The following TAT variants were observed in gnomAD, a reference collection of about 807,000 sequenced individuals.
TAT encodes the protein tyrosine aminotransferase.
In TAT, 35 loss-of-function variants were observed where a neutral mutation model predicts 53.6. That is an observed-to-expected ratio of 0.65 (90% CI 0.50 to 0.87). The LOEUF is 0.87. Among genes scored for constraint, TAT ranks in the 40% least tolerant of loss-of-function variants. The pLI, the probability that TAT is intolerant of heterozygous loss-of-function variation, is 0.00. For missense variants in TAT, 525 were observed against 571.8 expected, an observed-to-expected ratio of 0.92 and a Z score of 0.83; for synonymous variants, 197 against 206.5, an observed-to-expected ratio of 0.95 and a Z score of 0.39.
At chr16:71,568,450 T>C in intron 11 of TAT, 166 bp from the exon 12 acceptor site, 1 of 716,432 alleles carries the variant, frequency 1.4e-6, no homozygotes, top group South Asian at 1.8e-5. Context: ...AGTTCATTCA[T>C]CTTAAAATGA....
rs1597055707 is a variant in TAT at position 71,575,950 on chromosome 16, G to T, written c.312C>A (p.Gly104=). Residue 104 remains glycine, a synonymous_variant, in exon 3 of 12, where the codon GGC becomes GGA. Transcript: ENST00000355962. The stretch of plus-strand genomic sequence containing the variant: ...TGGATGGGGCATAGCCATTATATTT[G>T]CCCGAGTCCAGGGCATCTTTCATTG... ...TQAMKDALDS[G]KYNGYAPSIG... 6.2e-7 allele frequency: 1 copy of T among 1,614,196 alleles called. No homozygotes were observed. Among genetic ancestry groups the T allele is most frequent in the East Asian group, 2.2e-5 (1 of 44,882 alleles).
rs1373056693 is a variant in TAT at position 71,572,282 on chromosome 16, G to A, written c.610C>T (p.Leu204=). ...WEIDLKQLEY[L]IDEKTACLIV... ...AGACAAGCTGTCTTTTCATCAATTA[G>A]ATATTCCAGTTGTTTCAGGTCAATT... The change falls in exon 6 of 12, where the codon CTA becomes TTA. Residue 204 remains leucine, a synonymous_variant. Coordinates refer to ENST00000355962, the MANE Select transcript of TAT (RefSeq NM_000353.3). The A allele has an allele frequency of 6.2e-7, 1 of 1,614,210 alleles. No homozygotes were observed.
chr16:71,572,805 AG>A, intron 4 of TAT, 117 bp from the exon 5 acceptor site: 4 of 1,175,628 alleles, frequency 3.4e-6, no homozygotes, highest in South Asian at 2.6e-5. Context: ...AGTTGTAAGT[AG>A]TAGGAAATGT....
chr16:71,576,296 C>A lies in TAT; in HGVS notation c.120G>T (p.Arg40Ser). 6.2e-7 allele frequency: 1 copy of A among 1,614,210 alleles called. No homozygotes were observed. The highest frequency in any genetic ancestry group is 1.3e-5 in the African/African-American group (1 of 75,056). ...CCATGTCTGAGGGCCTCACAGACCA[C>A]CTGGCCTTTCTGCCTTTCATTTTTC... ...VPGKMKGRKA[R>S]WSVRPSDMAK... is the part of the protein sequence containing the mutation. Residue 40 changes from arginine to serine, a missense_variant, in exon 2 of 12, where the codon AGG becomes AGT. Coordinates refer to ENST00000355962, the MANE Select transcript of TAT (RefSeq NM_000353.3).
chr16:71,573,681 A>T, intron 3 of TAT, 75 bp from the exon 4 acceptor site: 1 of 1,333,040 alleles, frequency 7.5e-7, no homozygotes. Flanking sequence ...CCGGACTTGG[A>T]GTGCAGTGAC....
At chr16:71,573,775 C>T (rs532892829) in intron 3 of TAT, among the ~76,000 whole-genome samples, 169 bp from the exon 4 acceptor site, 1 of 151,974 alleles carries the variant, frequency 6.6e-6, no homozygotes, top group African/African-American at 2.4e-5. Context: ...GGACTATAGT[C>T]GTGCTCCCCC....
chr16:71,572,655 T>C lies in TAT; in HGVS notation c.442A>G (p.Ile148Val). The change falls in exon 5 of 12, where the codon ATT becomes GTT. Residue 148 changes from isoleucine (I) to valine (V), a missense_variant. Coordinates refer to ENST00000355962, the MANE Select transcript of TAT (RefSeq NM_000353.3). ...VILTSGCSQA[I>V]DLCLAVLANP... The stretch of plus-strand genomic sequence containing the variant: ...GCCAACACAGCTAAACAAAGGTCAA[T>C]AGCTTGGCTGCAGCCACTTGTCAGA... 6.2e-7 allele frequency: 1 copy of C among 1,614,168 alleles called. No individual in the cohort carries two copies. The highest frequency in any genetic ancestry group is 8.5e-7 in the Non-Finnish European group (1 of 1,180,030).
intron 3 of TAT, among the ~76,000 whole-genome samples, chr16:71,574,546 A>G (rs1026268356): frequency 7.2e-6 from 1 of 139,316 alleles, no homozygotes; most frequent in Non-Finnish European, 1.5e-5. Context: ...ATGCCACTGC[A>G]CTCCGCCTGG....
At chr16:71,568,340 C>T in intron 11 of TAT, 56 bp from the exon 12 acceptor site, 2 of 1,590,820 alleles carry the variant, frequency 1.3e-6, no homozygotes, top group Non-Finnish European at 1.7e-6. Flanking sequence ...ACTGGACCAC[C>T]CTAAAATGGT....
At chr16:71,574,370 C>T (rs1165327343) in intron 3 of TAT, among the ~76,000 whole-genome samples, 2 of 152,120 alleles carry the variant, frequency 1.3e-5, no homozygotes, top group East Asian at 1.9e-4. Context: ...CACCTGAGGT[C>T]GGGAGATTGA....
chr16:71,573,398 G>T, intron 4 of TAT, 141 bp downstream of exon 4: 1 of 765,712 alleles, frequency 1.3e-6, no homozygotes, highest in South Asian at 1.5e-5. Context: ...CCAACTATAT[G>T]AGAAGTCTTC....
chr16:71,569,706 C>T, intron 10 of TAT, 148 bp downstream of exon 10: 1 of 755,520 alleles, frequency 1.3e-6, no homozygotes, highest in East Asian at 2.7e-5. Context: ...TGGGACAATT[C>T]AGAATAAGAC....
Position 71,568,742 on chromosome 16 carries a change from G to A in TAT, c.1193C>T (p.Ala398Val), listed in dbSNP as rs1430916344. Residue 398 changes from alanine (A) to valine (V), a missense_variant, in exon 11 of 12, where the codon GCT (alanine) becomes GTT (valine). By Grantham distance (64) the Ala-to-Val change is moderately conservative (BLOSUM62 0). Coordinates refer to ENST00000355962, the MANE Select transcript of TAT (RefSeq NM_000353.3). ...NDVEFTERLV[A>V]EQSVHCLPAT... ...TGGGAGGCAGTGGACAGACTGCTCAGCAACTAACCGCTCCGTGAACTCCAC... is the reference window on the plus strand; with the variant it reads ...TGGGAGGCAGTGGACAGACTGCTCAACAACTAACCGCTCCGTGAACTCCAC... The A allele has an allele frequency of 6.2e-7, 1 of 1,613,932 alleles. No homozygotes were observed. Among genetic ancestry groups the A allele is most frequent in the African/African-American group, 1.3e-5 (1 of 75,032 alleles).
rs749369421 is a variant in TAT at position 71,569,941 on chromosome 16, C to T, written c.1042-4G>A. On this transcript the variant is annotated splice_region_variant and splice_polypyrimidine_tract_variant and intron_variant, in intron 9 of 11. Coordinates refer to ENST00000355962, the MANE Select transcript of TAT (RefSeq NM_000353.3). The stretch of plus-strand genomic sequence containing the variant: ...CATAACAGAGATCAGCATTGGACTA[C>T]AAGAAGAGGCAAGGAGAAATCAAGG... The T allele has an allele frequency of 6.2e-7, 1 of 1,611,902 alleles. No individual in the cohort carries two copies. Among genetic ancestry groups the T allele is most frequent in the Non-Finnish European group, 8.5e-7 (1 of 1,179,058 alleles).
chr16:71,571,552 T>C (rs2145231975), intron 7 of TAT, 54 bp downstream of exon 7: 1 of 1,507,052 alleles, frequency 6.6e-7, no homozygotes, highest in Admixed American at 1.7e-5. Flanking sequence ...ACTTCTAAAG[T>C]TCCCATAAAA....
chr16:71,574,085 A>G (rs1323539778), intron 3 of TAT, among the ~76,000 whole-genome samples: 1 of 152,218 alleles, frequency 6.6e-6, no homozygotes, highest in African/African-American at 2.4e-5. Flanking sequence ...TATTTAGTTC[A>G]GCTCTCAGCC....
At chr16:71,572,013 C>A in intron 6 of TAT, 173 bp downstream of exon 6, 1 of 788,364 alleles carries the variant, frequency 1.3e-6, no homozygotes, top group Non-Finnish European at 2.1e-6. Context: ...TCTTTTTCTT[C>A]TTTTAGGCCA....
intron 7 of TAT, 85 bp downstream of exon 7, chr16:71,571,521 G>C (rs1567591031): frequency 8.2e-7 from 1 of 1,225,760 alleles, no homozygotes; most frequent in Non-Finnish European, 1.2e-6. Context: ...GAAACGATTA[G>C]GAGTTGTTTC....
At chr16:71,573,216 A>T (rs552138753) in intron 4 of TAT, among the ~76,000 whole-genome samples, 41 of 152,332 alleles carry the variant, frequency 2.7e-4, no homozygotes, top group African/African-American at 7.5e-4. Context: ...AAAATTTTTT[A>T]AAATAATTTT....
Sources: gnomAD v4.1 joint callset for allele counts (sites outside exome capture counted in the v4.1 genomes callset) on GRCh38, gnomAD v4.1.1 for gene constraint, MANE v1.5 for transcripts, NCBI Gene and HGNC (gene_info 2026-07-23, HGNC 2026-07-21) for gene names.